Variants in CERCAM observed in about 807,000 individuals in gnomAD.
The protein encoded by CERCAM is cerebral endothelial cell adhesion molecule.
In CERCAM, 59 loss-of-function variants were observed where a neutral mutation model predicts 66.0. The observed-to-expected ratio is 0.89, with a 90% CI of 0.73 to 1.11. The LOEUF is 1.11. Ranked by LOEUF, CERCAM falls within the 50% of genes most tolerant of loss-of-function variation. The pLI is 0.00. For synonymous variants in CERCAM, 318 were observed against 343.6 expected (o/e 0.93, Z 0.83); for missense variants, 840 against 828.3 (o/e 1.01, Z -0.17).
rs1360431152 is a variant in CERCAM at position 128,434,375 on chromosome 9, T to A, written c.1332-35T>A. 7 of 1,609,592 alleles carry A rather than the reference T, an allele frequency of 4.3e-6. No homozygotes were observed. In the African/African-American group the frequency reaches 8.0e-5, roughly 18 times the overall value. On this transcript the variant is annotated intron_variant, in intron 10 of 12. Coordinates refer to ENST00000372838, the MANE Select transcript of CERCAM (RefSeq NM_016174.5). This position sits in a 1 kb window ranked among gnomAD's most constrained non-coding sequence, Gnocchi z 4.5. Reference sequence around the variant, plus strand: ...GGAGGGTCCCATGACACCCAGGACCTAAGTGACTCCTGGGCCCCTTGGTGT... The same window carrying A: ...GGAGGGTCCCATGACACCCAGGACCAAAGTGACTCCTGGGCCCCTTGGTGT...
Position 128,435,785 on chromosome 9 carries a change from T to C in CERCAM, c.1668T>C (p.Asp556=). The C allele has an allele frequency of 6.2e-7, 1 of 1,613,140 alleles. No homozygotes were observed. The highest frequency in any genetic ancestry group is 8.5e-7 in the Non-Finnish European group (1 of 1,179,832). Residue 556 remains aspartate (D), a synonymous_variant, in exon 12 of 13, where the codon GAT becomes GAC. Transcript: ENST00000372838. ...LSDTETSSPW[D]DDSGRLISWS... ...ACACGGAGACATCCTCTCCATGGGA[T>C]GATGACAGCGGCCGCCTCATCAGCT... is the stretch of plus-strand genomic sequence containing the variant.
Position 128,428,239 on chromosome 9 carries a change from C to A in CERCAM, c.767-63C>A, listed in dbSNP as rs533088864. On this transcript the variant is annotated intron_variant, in intron 5 of 12. Coordinates refer to ENST00000372838, the MANE Select transcript of CERCAM (RefSeq NM_016174.5). ...TCACTGGCAGTGCTGGGCCTAGGAC[C>A]TTTCAGCTGGGTTCTGAGAGCCCCA... 15 of 1,584,648 alleles carry A rather than the reference C, an allele frequency of 9.5e-6. No homozygotes were observed. The African/African-American group carries it at 2.0e-4, about 21-fold the overall frequency.
chr9:128,429,049 G>T lies in CERCAM; in HGVS notation c.1070+13G>T. On this transcript the variant is annotated intron_variant, in intron 8 of 12. Transcript: ENST00000372838. ...CTGTGGATGGCTGGTGAGCCTGCCTGGTGGGGGGGGCCCTGTGCGCTTGGG... is the reference window on the plus strand; with the variant it reads ...CTGTGGATGGCTGGTGAGCCTGCCTTGTGGGGGGGGCCCTGTGCGCTTGGG... The T allele has an allele frequency of 6.3e-7, 1 of 1,577,056 alleles. No individual in the cohort carries two copies. The highest frequency in any genetic ancestry group is 8.6e-7 in the Non-Finnish European group (1 of 1,159,808).
chr9:128,426,699 C>T (rs1403616407), intron 5 of CERCAM, among the ~76,000 whole-genome samples: 1 of 151,962 alleles, frequency 6.6e-6, no homozygotes, highest in Non-Finnish European at 1.5e-5. Flanking sequence ...CTTGAGAAGG[C>T]TGCAGAGAAT....
At chr9:128,428,894 C>G (rs1385516523) in intron 7 of CERCAM, 36 bp from the exon 8 acceptor site, 2 of 1,608,206 alleles carry the variant, frequency 1.2e-6, no homozygotes, top group South Asian at 1.1e-5. Flanking sequence ...TCTTCCGCTC[C>G]CTTGCACTTA....
chr9:128,424,505 A>T lies in CERCAM; in HGVS notation c.657A>T (p.Ala219=), dbSNP rs777450027. The change falls in exon 5 of 13, where the codon GCA becomes GCT. Residue 219 remains alanine, a synonymous_variant. Coordinates refer to ENST00000372838, the MANE Select transcript of CERCAM (RefSeq NM_016174.5). ...RVPMVHSTFL[A]SLRAEGADQL... ...CCATGGTCCACTCCACCTTCCTTGC[A>T]TCCCTGCGGGCTGAAGGGGCAGACC... The T allele has an allele frequency of 3.7e-6, 6 of 1,613,664 alleles. No individual in the cohort carries two copies. The highest frequency in any genetic ancestry group is 3.3e-5 in the Admixed American group (2 of 59,958).
chr9:128,423,167 T>G lies in CERCAM; in HGVS notation c.330T>G (p.Gly110=), dbSNP rs1564424963. The change falls in exon 3 of 13, where the codon GGT becomes GGG. Residue 110 remains glycine (G), a synonymous_variant. Coordinates refer to ENST00000372838, the MANE Select transcript of CERCAM (RefSeq NM_016174.5). ...TCAGGTTCTACCCAGATGAAGAGGG[T>G]CCCAAGCACTGGACCAAAGAAAGGC... ...GEPRFYPDEE[G]PKHWTKERHQ... The G allele has an allele frequency of 1.2e-6, 2 of 1,613,818 alleles. No homozygotes were observed. Among genetic ancestry groups the G allele is most frequent in the South Asian group, 2.2e-5 (2 of 91,060 alleles).
chr9:128,434,834 T>C lies in CERCAM; in HGVS notation c.1535+221T>C, dbSNP rs544337536. On this transcript the variant is annotated intron_variant, in intron 11 of 12. Transcript: ENST00000372838. This position sits in a 1 kb window ranked among gnomAD's most constrained non-coding sequence, Gnocchi z 4.5. ...AGTGCATGCAGGCTTTTTTTTGAAA[T>C]GGAGTCTTGCTCTGTTGCCCAGGCT... Among the ~76,000 whole-genome samples, 49 of 152,148 alleles carry C rather than the reference T, an allele frequency of 3.2e-4. No homozygotes were observed. Among genetic ancestry groups the C allele is most frequent in the African/African-American group, 1.1e-3 (44 of 41,512 alleles).
upstream of CERCAM, chr9:128,420,809 A>G (rs1316171801): frequency 2.7e-6 from 2 of 731,418 alleles, no homozygotes; most frequent in East Asian, 4.6e-5. This position sits in a 1 kb window ranked among gnomAD's most constrained non-coding sequence, Gnocchi z 5.0. Context: ...CCCGGGCCCC[A>G]GGCCCCGCCC....
chr9:128,435,657 C>T lies in CERCAM; in HGVS notation c.1540C>T (p.Gln514Ter). The stretch of plus-strand genomic sequence containing the variant: ...AGCTATCCTCTCACCTTACAGCGAG[C>T]AGTACAAGGCACACTTCTGGCCACG... Reference protein sequence around the residue: ...PIMFDQHPNEQYKAHFWPRDL... With the variant: ...PIMFDQHPNE Residue 514 changes from glutamine (Q) to a stop codon, truncating the protein, a stop_gained, in exon 12 of 13, where the codon CAG becomes TAG. Transcript: ENST00000372838. LOFTEE classifies it high-confidence loss of function. 1 of 1,605,002 alleles carries T rather than the reference C, an allele frequency of 6.2e-7. No individual in the cohort carries two copies. Among genetic ancestry groups the T allele is most frequent in the Non-Finnish European group, 8.5e-7 (1 of 1,174,134 alleles).
intron 8 of CERCAM, 151 bp from the exon 9 acceptor site, chr9:128,431,020 T>G: frequency 1.0e-6 from 1 of 956,610 alleles, no homozygotes; most frequent in South Asian, 1.7e-5. Context: ...GTCCAGTCCC[T>G]TGACAGCTTC....
intron 12 of CERCAM, among the ~76,000 whole-genome samples, chr9:128,436,528 G>A (rs7872212): frequency 0.33 from 50,865 of 151,952 alleles, 11,229 homozygotes; most frequent in African/African-American, 0.63. Context: ...GATTACAGGC[G>A]TGAGCCACCG....
chr9:128,430,196 G>A (rs1370622289), intron 8 of CERCAM, among the ~76,000 whole-genome samples: 2 of 152,066 alleles, frequency 1.3e-5, no homozygotes, highest in Non-Finnish European at 2.9e-5. Context: ...TCAGGAGTTC[G>A]AGACCAGCCT....
rs769832976 is a variant in CERCAM, at chr9:128,434,252, G to T, written c.1331+23G>T. 6.2e-7 allele frequency: 1 copy of T among 1,613,576 alleles called. No homozygotes were observed. The highest frequency in any genetic ancestry group is 8.5e-7 in the Non-Finnish European group (1 of 1,179,718). ...GATGTAGGCAGCCTGCACCCTCAGG[G>T]ACAAGGGGGCAGGGTGGGCCTCCGG... On this transcript the variant is annotated intron_variant, in intron 10 of 12. Transcript: ENST00000372838. The surrounding 1 kb of genome is among the most constrained non-coding windows in gnomAD (Gnocchi z 4.5).
chr9:128,420,851 G>A (rs991961414), upstream of CERCAM: 26 of 1,161,898 alleles, frequency 2.2e-5, no homozygotes, highest in South Asian at 7.4e-5. The surrounding 1 kb of genome is among the most constrained non-coding windows in gnomAD (Gnocchi z 5.0). Flanking sequence ...AGCTCCGGGG[G>A]CCGCTGCAGC....
rs373555879 is a variant in CERCAM at position 128,434,261 on chromosome 9, G to T, written c.1331+32G>T. The T allele has an allele frequency of 9.9e-6, 16 of 1,612,878 alleles. No individual in the cohort carries two copies. The South Asian group carries it at 1.8e-4, about 18-fold the overall frequency. On this transcript the variant is annotated intron_variant, in intron 10 of 12. Coordinates refer to ENST00000372838, the MANE Select transcript of CERCAM (RefSeq NM_016174.5). This position sits in a 1 kb window ranked among gnomAD's most constrained non-coding sequence, Gnocchi z 4.5. ...AGCCTGCACCCTCAGGGACAAGGGG[G>T]CAGGGTGGGCCTCCGGAGTCTGCCT...
chr9:128,435,741 G>A lies in CERCAM; in HGVS notation c.1624G>A (p.Asp542Asn), dbSNP rs1834095024. 1.9e-6 allele frequency: 3 copies of A among 1,613,604 alleles called. No individual in the cohort carries two copies. The highest frequency in any genetic ancestry group is 2.5e-6 in the Non-Finnish European group (3 of 1,179,926). ...CGCTGCCCCTACCCACTATGCCGGG[G>A]ACGCCGAGTGGCTCAGTGACACGGA... Reference protein sequence around the residue: ...LLAAPTHYAGDAEWLSDTETS... With the variant: ...LLAAPTHYAGNAEWLSDTETS... Residue 542 changes from aspartate to asparagine, a missense_variant, in exon 12 of 13, where the codon GAC (aspartate) becomes AAC (asparagine). Asp to Asn is a conservative substitution (Grantham distance 23). Transcript: ENST00000372838.
chr9:128,421,390 C>T (rs764690359), intron 1 of CERCAM: 3 of 1,113,754 alleles, frequency 2.7e-6, no homozygotes, highest in African/African-American at 1.6e-5. Context: ...CCTTCAGGGC[C>T]CAGCTCAACC....
upstream of CERCAM, chr9:128,419,329 G>A (rs1833658328): frequency 6.6e-6 from 1 of 152,354 alleles, no homozygotes; most frequent in South Asian, 2.1e-4. Flanking sequence ...AGTGGAGATA[G>A]TGTGCACAGC....
Sources: allele counts gnomAD v4.1 joint callset (sites outside exome capture counted in the v4.1 genomes callset), GRCh38; gene constraint gnomAD v4.1.1; non-coding constraint Gnocchi (gnomAD v3.1); transcripts MANE v1.5; gene names NCBI Gene and HGNC (gene_info 2026-07-23, HGNC 2026-07-21).